The following ABCC11 variants were observed in gnomAD, a reference collection of about 807,000 sequenced individuals.
The protein encoded by ABCC11 is ATP binding cassette subfamily C member 11, also known as ATP-binding cassette sub-family C member 11.
A neutral mutation model predicts 149.3 loss-of-function variants in ABCC11; 135 were observed. The ratio of observed to expected loss-of-function variants is 0.90; its 90% CI spans 0.79 to 1.04. The LOEUF (loss-of-function observed/expected upper bound fraction) is 1.04, where lower values mean the gene tolerates loss of function less well. Among genes scored for constraint, ABCC11 ranks in the 50% least tolerant of loss-of-function variants. ABCC11 has a pLI of 0.00. For missense variants in ABCC11, 1,680 were observed against 1,722.1 expected, an observed-to-expected ratio of 0.98 and a Z score of 0.43; for synonymous variants, 665 against 671.4, an observed-to-expected ratio of 0.99 and a Z score of 0.15.
At chr16:48,220,997 G>A (rs896658013) in intron 6 of ABCC11, among the ~76,000 whole-genome samples, 6 of 152,182 alleles carry the variant, frequency 3.9e-5, no homozygotes, top group African/African-American at 7.2e-5. Context: ...ATCCCGTCAC[G>A]GAGGAGAGGA....
At chr16:48,170,265 G>T in intron 27 of ABCC11, 47 bp from the exon 28 acceptor site, 1 of 1,476,894 alleles carries the variant, frequency 6.8e-7, no homozygotes, top group Non-Finnish European at 9.5e-7. Context: ...GCCACTGTGG[G>T]GTGAGACCCA....
intron 15 of ABCC11, among the ~76,000 whole-genome samples, chr16:48,199,040 AT>A (rs1302102089): frequency 1.3e-5 from 2 of 150,170 alleles, no homozygotes; most frequent in African/African-American, 2.4e-5. Context: ...TCTCAAAAAA[AT>A]ATATATATAT....
At chr16:48,177,235 T>C in intron 24 of ABCC11, 122 bp from the exon 25 acceptor site, 2 of 943,406 alleles carry the variant, frequency 2.1e-6, no homozygotes, top group South Asian at 1.7e-5. Context: ...TGCGCCAAGG[T>C]CAAGCCCCCT....
rs1202048363 is a variant in ABCC11, at chr16:48,175,238, C to T, written c.3698+20G>A. ...CCTGTGACCCACCTCCTGCAGGCTG[C>T]CTGCTGGCCCGGCACTCACCTGATG... On this transcript the variant is annotated intron_variant, in intron 26 of 29. Coordinates refer to ENST00000356608, the MANE Select transcript of ABCC11 (RefSeq NM_001370497.1). 1 of 1,591,046 alleles carries T rather than the reference C, an allele frequency of 6.3e-7. No individual in the cohort carries two copies. The highest frequency in any genetic ancestry group is 1.7e-5 in the Admixed American group (1 of 59,492).
At position 48,167,165 on chromosome 16, in the gene ABCC11, G is replaced by C; in HGVS notation, c.*109C>G. 1.6e-6 allele frequency: 1 copy of C among 629,656 alleles called. No homozygotes were observed. Among genetic ancestry groups the C allele is most frequent in the Non-Finnish European group, 3.0e-6 (1 of 333,146 alleles). The allele number at this position is 629,656 out of a possible 1,614,324, so 39.0% of individuals were successfully genotyped here. A position where few individuals can be genotyped will look rare whatever the true frequency, so the allele number is the denominator to read the frequency against. ...CCCCTACATTTACCCCTGCTTCCAG[G>C]AGAAGTTCTCATCTCCAAACAAGAA... On this transcript the variant is annotated 3_prime_UTR_variant, in exon 30 of 30. Coordinates refer to ENST00000356608, the MANE Select transcript of ABCC11 (RefSeq NM_001370497.1).
At chr16:48,216,381 A>G in intron 6 of ABCC11, 94 bp from the exon 7 acceptor site, 3 of 1,259,078 alleles carry the variant, frequency 2.4e-6, no homozygotes, top group Non-Finnish European at 3.3e-6. Context: ...CCTAGCAGGA[A>G]GGCTTGAAAG....
chr16:48,219,772 G>C (rs113372282), intron 6 of ABCC11, among the ~76,000 whole-genome samples: 2 of 152,002 alleles, frequency 1.3e-5, no homozygotes, highest in Non-Finnish European at 2.9e-5. Flanking sequence ...CCTAAGGTCA[G>C]GAGTTTGAGA....
At chr16:48,203,157 T>G (rs1968139532) in intron 14 of ABCC11, 71 bp downstream of exon 14, 3 of 1,450,746 alleles carry the variant, frequency 2.1e-6, no homozygotes, top group Non-Finnish European at 2.8e-6. Flanking sequence ...CTCCCTTCCC[T>G]GCCTGGGGAG....
At chr16:48,196,396 C>T in intron 17 of ABCC11, 75 bp from the exon 18 acceptor site, 4 of 1,403,342 alleles carry the variant, frequency 2.9e-6, no homozygotes, top group Non-Finnish European at 3.0e-6. Flanking sequence ...TCTCTGGCTT[C>T]GATCCTGTGC....
intron 1 of ABCC11, among the ~76,000 whole-genome samples, chr16:48,241,343 T>C (rs912733903): frequency 6.6e-6 from 1 of 152,180 alleles, no homozygotes; most frequent in South Asian, 2.1e-4. Flanking sequence ...AATAACTGAC[T>C]GATATCCTTC....
chr16:48,220,275 A>G (rs1969647569), intron 6 of ABCC11, among the ~76,000 whole-genome samples: 1 of 152,218 alleles, frequency 6.6e-6, no homozygotes, highest in Non-Finnish European at 1.5e-5. Flanking sequence ...AGCACTTAGC[A>G]ATCACATGAC....
At chr16:48,172,899 A>T (rs1332163894) in intron 26 of ABCC11, among the ~76,000 whole-genome samples, 1 of 152,212 alleles carries the variant, frequency 6.6e-6, no homozygotes, top group Non-Finnish European at 1.5e-5. Flanking sequence ...TGGAACAGGC[A>T]GCACTATAGA....
rs760951061 is a variant in ABCC11 at position 48,170,156 on chromosome 16, C to G, written c.3840G>C (p.Val1280=). 5.0e-6 allele frequency: 8 copies of G among 1,614,130 alleles called. No homozygotes were observed. The East Asian group carries it at 8.9e-5, about 18-fold the overall frequency. ...CAATGCAGAGCAGCTGCCTCTCCCC[C>G]ACAGAGAAGTTTCCACCGTTTTCCA... is the stretch of plus-strand genomic sequence containing the variant. The part of the protein sequence containing the change: ...DVVENGGNFS[V]GERQLLCIAR... Residue 1280 remains valine (V), a synonymous_variant, in exon 28 of 30, where the codon GTG becomes GTC. Coordinates refer to ENST00000356608, the MANE Select transcript of ABCC11 (RefSeq NM_001370497.1).
In ABCC11 at chr16:48,207,774, T is replaced by C. The variant is rs567232390; in HGVS notation, c.1680+651A>G. Among the ~76,000 whole-genome samples, 4 of 152,158 alleles carry C rather than the reference T, an allele frequency of 2.6e-5. No individual in the cohort carries two copies. In the East Asian group the frequency reaches 7.7e-4, roughly 29 times the overall value. On this transcript the variant is annotated intron_variant, in intron 12 of 29. Transcript: ENST00000356608. ...AGGGTGTGTGAGCCACACATCCACA[T>C]GGCAGCAGACCTCAAACTCGTCCAC...
At chr16:48,235,939 G>A (rs999437838) in intron 1 of ABCC11, among the ~76,000 whole-genome samples, 22 of 152,108 alleles carry the variant, frequency 1.4e-4, no homozygotes, top group Non-Finnish European at 2.6e-4. Flanking sequence ...CTTTCTGGAG[G>A]AGCTGATTTA....
At chr16:48,225,265 A>G (rs1276828116) in intron 4 of ABCC11, among the ~76,000 whole-genome samples, 2 of 152,186 alleles carry the variant, frequency 1.3e-5, no homozygotes, top group Non-Finnish European at 2.9e-5. Context: ...ACTTAATGGC[A>G]TTTAATGCCC....
At chr16:48,194,754 C>T (rs889493301) in intron 18 of ABCC11, among the ~76,000 whole-genome samples, 6 of 152,238 alleles carry the variant, frequency 3.9e-5, no homozygotes, top group African/African-American at 1.4e-4. Context: ...AAGGCGCCAT[C>T]TTGGAAGTAG....
rs1965370611 is a variant in ABCC11 at position 48,167,005 on chromosome 16, A to G, written c.*269T>C. The G allele has an allele frequency of 2.2e-6, 1 of 445,800 alleles. No homozygotes were observed. The allele number at this position is 445,800 out of a possible 1,614,324, so 27.6% of individuals were successfully genotyped here. A position where few individuals can be genotyped will look rare whatever the true frequency, so the allele number is the denominator to read the frequency against. ...AACTATAAGCTTTTACCTTATTATA[A>G]AATTATTCAGCATGTAAGTTAAAAG... On this transcript the variant is annotated 3_prime_UTR_variant, in exon 30 of 30. Coordinates refer to ENST00000356608, the MANE Select transcript of ABCC11 (RefSeq NM_001370497.1).
intron 1 of ABCC11, among the ~76,000 whole-genome samples, chr16:48,237,148 C>A (rs1290190519): frequency 2.0e-5 from 3 of 152,220 alleles, no homozygotes; most frequent in Non-Finnish European, 4.4e-5. Context: ...TGAATGAATG[C>A]AGCCCCTCCC....
Sources: gnomAD v4.1 joint callset for allele counts (sites outside exome capture counted in the v4.1 genomes callset) on GRCh38, gnomAD v4.1.1 for gene constraint, MANE v1.5 for transcripts, NCBI Gene and HGNC (gene_info 2026-07-23, HGNC 2026-07-21) for gene names.